The following LARP4 variants were observed in gnomAD, a reference collection of about 807,000 sequenced individuals.
LARP4 encodes the protein La ribonucleoprotein 4, also known as la-related protein 4.
Under a neutral mutation model 92.9 loss-of-function variants are expected in LARP4, and 29 were observed. The ratio of observed to expected loss-of-function variants is 0.31; its 90% CI spans 0.23 to 0.43. The LOEUF (loss-of-function observed/expected upper bound fraction) is 0.43, where lower values mean the gene tolerates loss of function less well. LARP4 is among the 20% of genes least tolerant of loss of function. The probability of loss-of-function intolerance (pLI) is 1.00; values close to 1 mark genes in which losing one functional copy is unlikely to be tolerated. For synonymous variants in LARP4, 279 were observed against 284.1 expected, an observed-to-expected ratio of 0.98 and a Z score of 0.18; for missense variants, 732 against 860.0, an observed-to-expected ratio of 0.85 and a Z score of 1.86.
chr12:50,454,311 TAGGCTCCC>T lies in LARP4; in HGVS notation c.1018-2_1023del. 1 of 1,608,396 alleles carries T rather than the reference TAGGCTCCC, an allele frequency of 6.2e-7. No individual in the cohort carries two copies. Among genetic ancestry groups the T allele is most frequent in the Admixed American group, 1.7e-5 (1 of 59,212 alleles). The stretch of plus-strand genomic sequence containing the variant: ...TATTGTTTAAACATACATTTTTTTC[TAGGCTCCC>T]TTTCCCAATGGTAGTTTTGTGAATG... On this transcript the variant is annotated splice_acceptor_variant and coding_sequence_variant, in exon 10 of 16. Transcript: ENST00000398473. LOFTEE classifies it high-confidence loss of function.
intron 1 of LARP4, among the ~76,000 whole-genome samples, chr12:50,422,829 TTA>T (rs1948051620): frequency 5.7e-5 from 8 of 141,174 alleles, no homozygotes; most frequent in Non-Finnish European, 1.0e-4. Context: ...ATTATTATTA[TTA>T]TTTTTGAGAC....
chr12:50,436,940 T>C (rs2137456552), intron 5 of LARP4, among the ~76,000 whole-genome samples: 2 of 152,204 alleles, frequency 1.3e-5, no homozygotes, highest in East Asian at 3.9e-4. Context: ...TACAAACATT[T>C]ATGGAATCTC....
At chr12:50,457,186 G>A (rs1431472626) in intron 10 of LARP4, among the ~76,000 whole-genome samples, 3 of 148,154 alleles carry the variant, frequency 2.0e-5, no homozygotes, top group South Asian at 2.1e-4. Flanking sequence ...ACAGGCATGA[G>A]CCACCATACC....
intron 4 of LARP4, among the ~76,000 whole-genome samples, chr12:50,434,459 C>T (rs377601456): frequency 6.1e-5 from 9 of 147,190 alleles, no homozygotes; most frequent in African/African-American, 2.0e-4. Context: ...GCCCTTGTTG[C>T]CCCAACTGGA....
At chr12:50,456,323 T>C (rs1347941853) in intron 10 of LARP4, among the ~76,000 whole-genome samples, 2 of 152,160 alleles carry the variant, frequency 1.3e-5, no homozygotes, top group Non-Finnish European at 2.9e-5. Context: ...ACAGTTCTTT[T>C]CCATATATTT....
chr12:50,402,298 A>G (rs1199350737), intron 1 of LARP4, among the ~76,000 whole-genome samples: 1 of 152,220 alleles, frequency 6.6e-6, no homozygotes, highest in Non-Finnish European at 1.5e-5. Flanking sequence ...TCTAACATTC[A>G]TAATAAACAT....
intron 13 of LARP4, among the ~76,000 whole-genome samples, chr12:50,470,271 G>A (rs1956772067): frequency 6.6e-6 from 1 of 151,842 alleles, no homozygotes; most frequent in Non-Finnish European, 1.5e-5. Context: ...TTTAAGTGCA[G>A]TATTTTTATT....
intron 13 of LARP4, among the ~76,000 whole-genome samples, chr12:50,472,837 T>G (rs903895273): frequency 7.3e-5 from 11 of 151,440 alleles, no homozygotes; most frequent in African/African-American, 1.5e-4. Flanking sequence ...TTTTTTTTTT[T>G]GGGACGGAGT....
intron 1 of LARP4, among the ~76,000 whole-genome samples, chr12:50,413,804 T>C (rs912172552): frequency 6.6e-6 from 1 of 152,218 alleles, no homozygotes; most frequent in Non-Finnish European, 1.5e-5. Flanking sequence ...TAGTATGGTA[T>C]AATGAGCAGC....
At chr12:50,469,601 C>A (rs1233563907) in intron 13 of LARP4, among the ~76,000 whole-genome samples, 249 of 65,372 alleles carry the variant, frequency 3.8e-3, no homozygotes, top group Middle Eastern at 0.015. Flanking sequence ...GAGACTCTAT[C>A]AAAAAAAAAA....
At chr12:50,473,270 G>A (rs1027208136) in intron 13 of LARP4, 145 bp from the exon 14 acceptor site, 3 of 597,098 alleles carry the variant, frequency 5.0e-6, no homozygotes, top group African/African-American at 1.9e-5. Flanking sequence ...ATCCTTGTGG[G>A]TATGAAGTGA....
chr12:50,451,815 C>T (rs1042850448), intron 8 of LARP4, among the ~76,000 whole-genome samples: 2 of 151,228 alleles, frequency 1.3e-5, no homozygotes, highest in East Asian at 1.9e-4. Context: ...TCAGTCTGGG[C>T]CACAGAGTGA....
intron 10 of LARP4, among the ~76,000 whole-genome samples, chr12:50,455,230 T>C (rs527588871): frequency 1.3e-5 from 2 of 152,208 alleles, no homozygotes; most frequent in East Asian, 1.9e-4. Flanking sequence ...CTTGTTGTTG[T>C]TGTTGTTGTG....
rs1946447111 is a variant in LARP4, at chr12:50,414,565, A to T, written c.19-13197A>T. The stretch of plus-strand genomic sequence containing the variant: ...CGATCCCTCAGCCTCAGCCTCCAGA[A>T]GTGCTGGGATTACAGACATGCACCA... On this transcript the variant is annotated intron_variant, in intron 1 of 15. Coordinates refer to ENST00000398473, the MANE Select transcript of LARP4 (RefSeq NM_052879.5). Among the ~76,000 whole-genome samples the T allele has an allele frequency of 3.9e-5, 6 of 152,194 alleles. No homozygotes were observed. The South Asian group carries it at 1.2e-3, about 32-fold the overall frequency.
At chr12:50,406,610 C>T (rs1014564035) in intron 1 of LARP4, among the ~76,000 whole-genome samples, 1 of 152,150 alleles carries the variant, frequency 6.6e-6, no homozygotes, top group African/African-American at 2.4e-5. Flanking sequence ...TTCCTGGGCT[C>T]AAGCAATCTG....
chr12:50,461,238 C>G lies in LARP4; in HGVS notation c.1225C>G (p.Pro409Ala), dbSNP rs530201797. The change falls in exon 11 of 16, where the codon CCA becomes GCA. Residue 409 changes from proline (P) to alanine (A), a missense_variant. Around this residue, in one of 7 missense-constraint regions of LARP4, gnomAD observed 264 missense variants for 269.5 expected, o/e 0.98. Coordinates refer to ENST00000398473, the MANE Select transcript of LARP4 (RefSeq NM_052879.5). ...GAACAGATATAGTTCAAGAAACTTT[C>G]CAGCTGAACGGCATAACCCCACAGT... ...QLNRYSSRNF[P>A]AERHNPTVTG... 5.4e-5 allele frequency: 87 copies of G among 1,614,054 alleles called. No homozygotes were observed. The South Asian group carries it at 8.2e-4, about 15-fold the overall frequency.
chr12:50,470,833 C>T (rs2139079703), intron 13 of LARP4, among the ~76,000 whole-genome samples: 2 of 152,316 alleles, frequency 1.3e-5, no homozygotes, highest in African/African-American at 4.8e-5. Context: ...CCCACTCTTC[C>T]CCTTCAGATA....
intron 1 of LARP4, 39 bp from the exon 2 acceptor site, chr12:50,427,723 G>GA: frequency 7.2e-7 from 1 of 1,383,562 alleles, no homozygotes; most frequent in East Asian, 2.5e-5. Context: ...TTCATGCTCT[G>GA]ATTTTAAAAA....
At chr12:50,450,470 A>T (rs1015480296) in intron 8 of LARP4, among the ~76,000 whole-genome samples, 1 of 152,154 alleles carries the variant, frequency 6.6e-6, no homozygotes, top group Admixed American at 6.6e-5. Context: ...TTTTAAGACA[A>T]AAATGTAGGT....
Sources: allele counts gnomAD v4.1 joint callset (sites outside exome capture counted in the v4.1 genomes callset), GRCh38; gene constraint gnomAD v4.1.1; regional missense constraint gnomAD v4.1.1; transcripts MANE v1.5; gene names NCBI Gene and HGNC (gene_info 2026-07-23, HGNC 2026-07-21).